Variants in ANKRD6 observed in about 807,000 individuals in gnomAD.
The protein encoded by ANKRD6 is ankyrin repeat domain 6, also known as ankyrin repeat domain-containing protein 6.
In ANKRD6, 56 loss-of-function variants were observed where a neutral mutation model predicts 82.3. The ratio of observed to expected loss-of-function variants is 0.68; its 90% CI spans 0.55 to 0.85. The LOEUF is 0.85. ANKRD6 is among the 40% of genes least tolerant of loss of function. The pLI, the probability that ANKRD6 is intolerant of heterozygous loss-of-function variation, is 0.00. For missense variants in ANKRD6, 852 were observed against 907.6 expected (o/e 0.94, Z 0.79); for synonymous variants, 347 against 352.1 (o/e 0.99, Z 0.16).
rs922198970 is a variant in ANKRD6 at position 89,567,101 on chromosome 6, C to G, written c.120+5C>G. 8 of 1,584,718 alleles carry G rather than the reference C, an allele frequency of 5.0e-6. No homozygotes were observed. The African/African-American group carries it at 1.1e-4, about 21-fold the overall frequency. ...GCCAGGGTAGCGGTTACCAAGGTAA[C>G]AAGAGAAAAATACGCTGTAGCCATT... On this transcript the variant is annotated splice_donor_5th_base_variant and intron_variant, in intron 2 of 15. Transcript: ENST00000339746.
chr6:89,622,797 A>G (rs1583904264), intron 10 of ANKRD6, among the ~76,000 whole-genome samples: 1 of 152,146 alleles, frequency 6.6e-6, no homozygotes, highest in African/African-American at 2.4e-5. Context: ...CTTTTGGCAC[A>G]GAAAATGTTA....
rs539688229 is a variant in ANKRD6 at position 89,592,104 on chromosome 6, A to G, written c.121-3812A>G. 4.6e-5 allele frequency among the ~76,000 whole-genome samples: 7 copies of G among 152,340 alleles called. No homozygotes were observed. The East Asian group carries it at 1.4e-3, about 29-fold the overall frequency. ...GGGAACCACAGTTTACGTTTCAAAA[A>G]TGGAAGTGGACAAGAGGGCCAGGAC... On this transcript the variant is annotated intron_variant, in intron 2 of 15. Coordinates refer to ENST00000339746, the MANE Select transcript of ANKRD6 (RefSeq NM_001242809.2).
chr6:89,622,562 A>ATAC (rs1374713875), intron 10 of ANKRD6, among the ~76,000 whole-genome samples: 1 of 152,188 alleles, frequency 6.6e-6, no homozygotes, highest in African/African-American at 2.4e-5. Context: ...GGAGGGGAGC[A>ATAC]AGGCTATGCT....
chr6:89,624,775 C>T (rs1051707140), intron 13 of ANKRD6, 84 bp downstream of exon 13: 5 of 1,481,040 alleles, frequency 3.4e-6, no homozygotes, highest in Non-Finnish European at 4.5e-6. Flanking sequence ...TTAGCACACC[C>T]TTCCACCCTG....
intron 1 of ANKRD6, among the ~76,000 whole-genome samples, chr6:89,476,775 T>C (rs1448450135): frequency 6.6e-6 from 1 of 152,226 alleles, no homozygotes; most frequent in African/African-American, 2.4e-5. Context: ...TAACTCCTGT[T>C]AATAAATTCT....
chr6:89,598,483 G>A, intron 3 of ANKRD6: 1 of 942,828 alleles, frequency 1.1e-6, no homozygotes, highest in Non-Finnish European at 1.3e-6. Context: ...CTTGCAGTAT[G>A]TCTGCCTGTG....
intron 1 of ANKRD6, among the ~76,000 whole-genome samples, chr6:89,540,208 A>G (rs116696215): frequency 0.012 from 1,860 of 152,208 alleles, 39 homozygotes; most frequent in African/African-American, 0.043. Context: ...GGGCCCTTCA[A>G]ACTGTTCTCC....
intron 2 of ANKRD6, 121 bp from the exon 3 acceptor site, chr6:89,595,795 A>T: frequency 1.4e-6 from 1 of 708,850 alleles, no homozygotes; most frequent in African/African-American, 1.8e-5. Context: ...GCCAATCCAA[A>T]GGGGCAGGAG....
intron 1 of ANKRD6, among the ~76,000 whole-genome samples, chr6:89,502,994 CCCTATAGTGCTGCCCCTT>C (rs1382792598): frequency 2.0e-5 from 3 of 152,184 alleles, no homozygotes. Context: ...TCTGCACCCT[CCCTATAGTGCTGCCCCTT>C]CCAATGTCTC....
intron 1 of ANKRD6, among the ~76,000 whole-genome samples, chr6:89,512,580 C>T (rs537889723): frequency 3.3e-5 from 5 of 152,258 alleles, no homozygotes; most frequent in African/African-American, 1.2e-4. Context: ...AGGGTGGGCA[C>T]AAGGAGCAGC....
intron 1 of ANKRD6, among the ~76,000 whole-genome samples, chr6:89,443,368 G>C (rs1428617660): frequency 6.6e-6 from 1 of 152,106 alleles, no homozygotes; most frequent in African/African-American, 2.4e-5. Flanking sequence ...TTAAAATTTG[G>C]GAATTCTCAG....
At chr6:89,520,289 C>T (rs1354628924) in intron 1 of ANKRD6, among the ~76,000 whole-genome samples, 3 of 152,228 alleles carry the variant, frequency 2.0e-5, no homozygotes, top group Non-Finnish European at 4.4e-5. Flanking sequence ...TCAGCAGCCT[C>T]TTTTTCATTT....
chr6:89,522,309 G>C (rs376690860), intron 1 of ANKRD6, among the ~76,000 whole-genome samples: 1 of 152,188 alleles, frequency 6.6e-6, no homozygotes. Context: ...ACTGTTAGGG[G>C]CTTTTTGAGG....
intron 1 of ANKRD6, among the ~76,000 whole-genome samples, chr6:89,563,750 G>A (rs935006888): frequency 3.3e-5 from 5 of 151,992 alleles, no homozygotes; most frequent in African/African-American, 1.2e-4. Context: ...TCTCTATCTG[G>A]TCCAATTTGT....
At chr6:89,534,280 A>C (rs1326792783) in intron 1 of ANKRD6, among the ~76,000 whole-genome samples, 1 of 152,212 alleles carries the variant, frequency 6.6e-6, no homozygotes, top group African/African-American at 2.4e-5. Flanking sequence ...GAGTTGTGGG[A>C]AGTATAAAGC....
intron 1 of ANKRD6, among the ~76,000 whole-genome samples, chr6:89,488,779 C>A (rs1223528830): frequency 6.6e-6 from 1 of 152,172 alleles, no homozygotes; most frequent in East Asian, 1.9e-4. Flanking sequence ...CTGTGACCCA[C>A]TATGAGAACT....
At chr6:89,594,867 T>A (rs1795566094) in intron 2 of ANKRD6, among the ~76,000 whole-genome samples, 1 of 152,034 alleles carries the variant, frequency 6.6e-6, no homozygotes, top group African/African-American at 2.4e-5. Context: ...CTTAGCCTCC[T>A]AGGTAGCTGG....
At chr6:89,623,025 G>C (rs1181351239) in intron 10 of ANKRD6, among the ~76,000 whole-genome samples, 2 of 131,706 alleles carry the variant, frequency 1.5e-5, no homozygotes, top group Non-Finnish European at 3.4e-5. Context: ...TGGGGGGTGG[G>C]GGGGGCGGGA....
intron 1 of ANKRD6, among the ~76,000 whole-genome samples, chr6:89,453,696 C>T (rs1340662150): frequency 1.3e-5 from 2 of 151,946 alleles, no homozygotes; most frequent in Admixed American, 1.3e-4. Flanking sequence ...TCTCCTGCCT[C>T]GGCCTGCCGA....
Sources: gnomAD v4.1 joint callset for allele counts (sites outside exome capture counted in the v4.1 genomes callset) on GRCh38, gnomAD v4.1.1 for gene constraint, MANE v1.5 for transcripts, NCBI Gene and HGNC (gene_info 2026-07-23, HGNC 2026-07-21) for gene names.